The following CCDC158 variants were observed in gnomAD, a reference collection of about 807,000 sequenced individuals.
CCDC158 encodes coiled-coil domain-containing protein 158.
CCDC158 carries 116 observed loss-of-function variants against 138.6 expected under a neutral mutation model. The observed-to-expected ratio is 0.84, with a 90% confidence interval of 0.72 to 0.98. The LOEUF is 0.98. Among genes scored for constraint, CCDC158 ranks in the 50% least tolerant of loss-of-function variants. The probability of loss-of-function intolerance (pLI) is 0.00; values close to 1 mark genes in which losing one functional copy is unlikely to be tolerated. For synonymous variants in CCDC158, 436 were observed against 442.4 expected, an observed-to-expected ratio of 0.99 and a Z score of 0.18; for missense variants, 1,265 against 1,306.1, an observed-to-expected ratio of 0.97 and a Z score of 0.48.
intron 4 of CCDC158, among the ~76,000 whole-genome samples, chr4:76,395,154 C>T (rs960263592): frequency 6.6e-6 from 1 of 152,244 alleles, no homozygotes; most frequent in Admixed American, 6.5e-5. Context: ...ACTGTTTCTT[C>T]TCCTCATTAG....
chr4:76,319,642 C>T (rs1474724700), intron 24 of CCDC158, among the ~76,000 whole-genome samples: 1 of 150,614 alleles, frequency 6.6e-6, no homozygotes, highest in Non-Finnish European at 1.5e-5. Flanking sequence ...TTAACCTACT[C>T]AAGTTGATAA....
At chr4:76,323,431 G>A (rs764558257) in intron 23 of CCDC158, 22 bp from the exon 24 acceptor site, 4 of 1,544,992 alleles carry the variant, frequency 2.6e-6, no homozygotes, top group Non-Finnish European at 3.5e-6. Flanking sequence ...TTGCTTAGAT[G>A]TGATATTAAA....
At chr4:76,379,894 G>A (rs147937791) in intron 8 of CCDC158, among the ~76,000 whole-genome samples, 95 of 152,162 alleles carry the variant, frequency 6.2e-4, no homozygotes, top group African/African-American at 2.2e-3. Context: ...CCCCCATACT[G>A]TTCTCATGAT....
At chr4:76,337,429 T>C (rs1441235919) in intron 18 of CCDC158, among the ~76,000 whole-genome samples, 2 of 152,204 alleles carry the variant, frequency 1.3e-5, no homozygotes, top group Non-Finnish European at 2.9e-5. Flanking sequence ...AAATACACTT[T>C]TTAAAATTAG....
rs1229593741 is a variant in CCDC158 at position 76,344,587 on chromosome 4, C to T, written c.2664+6409G>A. The stretch of plus-strand genomic sequence containing the variant: ...TCTCTGGACCTGAATGTTGATCCCT[C>T]GCTTCAGGTTGACATACCTGATGTG... On this transcript the variant is annotated intron_variant, in intron 18 of 24. Transcript: ENST00000682701. The T allele has an allele frequency of 3.0e-5, 38 of 1,247,434 alleles. No homozygotes were observed. The South Asian group carries it at 3.3e-4, about 11-fold the overall frequency. 77.3% of individuals were successfully genotyped at this position (1,247,434 alleles called of 1,614,324 possible). A position where few individuals can be genotyped will look rare whatever the true frequency, so the allele number is the denominator to read the frequency against.
chr4:76,344,604 C>T lies in CCDC158; in HGVS notation c.2664+6392G>A, dbSNP rs191673809. On this transcript the variant is annotated intron_variant, in intron 18 of 24. Coordinates refer to ENST00000682701, the MANE Select transcript of CCDC158 (RefSeq NM_001394954.1). ...TGATCCCTCGCTTCAGGTTGACATACCTGATGTGCTCAGTGAGAGAGATAA... is the reference window on the plus strand; with the variant it reads ...TGATCCCTCGCTTCAGGTTGACATATCTGATGTGCTCAGTGAGAGAGATAA... The T allele has an allele frequency of 8.9e-5, 122 of 1,366,068 alleles. No individual in the cohort carries two copies. The East Asian group carries it at 2.7e-3, about 30-fold the overall frequency. 84.6% of individuals were successfully genotyped at this position (1,366,068 alleles called of 1,614,324 possible).
intron 24 of CCDC158, among the ~76,000 whole-genome samples, chr4:76,318,914 G>A (rs780613441): frequency 1.3e-5 from 2 of 152,196 alleles, no homozygotes; most frequent in Non-Finnish European, 2.9e-5. Context: ...CAGATCACGA[G>A]GTCAAGAGTT....
Position 76,383,744 on chromosome 4 carries a change from T to G in CCDC158, c.727-6A>C. ...GCTTCAAGTTGATCCTCTACCTGGT[T>G]TTTAAAAAGAGACACTGATTTAGTT... On this transcript the variant is annotated splice_polypyrimidine_tract_variant and splice_region_variant and intron_variant, in intron 6 of 24. Coordinates refer to ENST00000682701, the MANE Select transcript of CCDC158 (RefSeq NM_001394954.1). 6.2e-7 allele frequency: 1 copy of G among 1,607,242 alleles called. No homozygotes were observed. Among genetic ancestry groups the G allele is most frequent in the South Asian group, 1.1e-5 (1 of 90,846 alleles).
rs1727364848 is a variant in CCDC158 at position 76,392,089 on chromosome 4, G to A, written c.288+4180C>T. ...TATACTCAACTGTTCCAAAAACATA[G>A]AGGAAGAAGAACTTCTTCCAAACTC... On this transcript the variant is annotated intron_variant, in intron 4 of 24. Coordinates refer to ENST00000682701, the MANE Select transcript of CCDC158 (RefSeq NM_001394954.1). 2.0e-5 allele frequency among the ~76,000 whole-genome samples: 3 copies of A among 151,856 alleles called. No individual in the cohort carries two copies. The South Asian group carries it at 6.2e-4, about 32-fold the overall frequency.
chr4:76,332,399 T>A, intron 20 of CCDC158, 33 bp downstream of exon 20: 1 of 1,561,010 alleles, frequency 6.4e-7, no homozygotes, highest in African/African-American at 1.4e-5. Flanking sequence ...ATTTGGACAA[T>A]TAATTTGATT....
In CCDC158 at chr4:76,355,314, A is replaced by G. The variant is rs755926649; in HGVS notation, c.2286+10T>C. The G allele has an allele frequency of 1.8e-5, 28 of 1,580,730 alleles. No individual in the cohort carries two copies. The highest frequency in any genetic ancestry group is 4.0e-5 in the African/African-American group (3 of 74,256). On this transcript the variant is annotated intron_variant, in intron 15 of 24. Coordinates refer to ENST00000682701, the MANE Select transcript of CCDC158 (RefSeq NM_001394954.1). ...ATGTTGGTTTCCCCACTCTGAGGAC[A>G]GCAACCCACCTTATTTGCATTTGTC...
intron 4 of CCDC158, among the ~76,000 whole-genome samples, chr4:76,390,321 A>G (rs931458153): frequency 2.6e-5 from 4 of 152,110 alleles, no homozygotes; most frequent in African/African-American, 9.7e-5. Context: ...ATAATGGTTT[A>G]TAAGAGAGTA....
chr4:76,419,980 A>G (rs1729982125), intron 1 of CCDC158, among the ~76,000 whole-genome samples: 1 of 149,454 alleles, frequency 6.7e-6, no homozygotes, highest in South Asian at 2.2e-4. Context: ...GTAAATGCAC[A>G]ACAACAGTAA....
intron 22 of CCDC158, among the ~76,000 whole-genome samples, 165 bp downstream of exon 22, chr4:76,328,735 A>C (rs576759550): frequency 8.6e-5 from 13 of 151,360 alleles, no homozygotes; most frequent in Non-Finnish European, 1.8e-4. Context: ...TTCAAGGAAC[A>C]GTTTGAGAGT....
chr4:76,398,771 G>T (rs527848187), intron 3 of CCDC158, among the ~76,000 whole-genome samples: 1 of 152,006 alleles, frequency 6.6e-6, no homozygotes, highest in East Asian at 1.9e-4. Context: ...CTAGAATGGG[G>T]ACATTCTATG....
At chr4:76,401,784 T>C (rs999484059) in intron 3 of CCDC158, among the ~76,000 whole-genome samples, 4 of 152,028 alleles carry the variant, frequency 2.6e-5, no homozygotes, top group Non-Finnish European at 4.4e-5. Context: ...ATGAGGACAG[T>C]ATTACAGGAT....
intron 9 of CCDC158, among the ~76,000 whole-genome samples, chr4:76,376,424 G>A (rs1331204296): frequency 1.3e-5 from 2 of 151,908 alleles, no homozygotes; most frequent in African/African-American, 4.8e-5. Flanking sequence ...TTTCCTTGTT[G>A]TTATTTGAAT....
At position 76,371,421 on chromosome 4, in the gene CCDC158, A is replaced by T; in HGVS notation, c.1145T>A (p.Leu382Gln). Residue 382 changes from leucine to glutamine, a missense_variant, in exon 10 of 25, where the codon CTG (leucine) becomes CAG (glutamine). Physicochemically the swap from Leu to Gln is moderately radical, Grantham distance 113. Transcript: ENST00000682701. Reference sequence around the variant, plus strand: ...TATTTTAAAGCATAATCTTACCAACAGCTTTTGAAGTTGATCATCTAAATT... The same window carrying T: ...TATTTTAAAGCATAATCTTACCAACTGCTTTTGAAGTTGATCATCTAAATT... ...SGNLDDQLQK[L>Q]LADLHKREKE... is the part of the protein sequence containing the mutation. The T allele has an allele frequency of 6.2e-7, 1 of 1,613,952 alleles. No individual in the cohort carries two copies. Among genetic ancestry groups the T allele is most frequent in the Non-Finnish European group, 8.5e-7 (1 of 1,179,912 alleles).
intron 18 of CCDC158, among the ~76,000 whole-genome samples, chr4:76,346,099 A>G (rs1722518698): frequency 6.6e-6 from 1 of 152,202 alleles, no homozygotes; most frequent in African/African-American, 2.4e-5. Flanking sequence ...ATCTACAACC[A>G]TCTGATCTTT....
Sources: gnomAD v4.1 joint callset for allele counts (sites outside exome capture counted in the v4.1 genomes callset) on GRCh38, gnomAD v4.1.1 for gene constraint, MANE v1.5 for transcripts, NCBI Gene and HGNC (gene_info 2026-07-23, HGNC 2026-07-21) for gene names.